Variants in PLSCR5 observed in about 807,000 individuals in gnomAD.
PLSCR5 encodes the protein phospholipid scramblase family, member 5.
In PLSCR5, 44 loss-of-function variants were observed where a neutral mutation model predicts 33.6. The observed-to-expected ratio is 1.31, with a 90% CI of 1.03 to 1.69. PLSCR5 has a LOEUF of 1.69. PLSCR5 is among the 40% of genes most tolerant of loss of function. The pLI is 0.00. For synonymous variants in PLSCR5, 148 were observed against 112.3 expected, an observed-to-expected ratio of 1.32 and a Z score of -2.01; for missense variants, 375 against 318.7, an observed-to-expected ratio of 1.18 and a Z score of -1.34.
intron 6 of PLSCR5, among the ~76,000 whole-genome samples, chr3:146,588,701 G>A (rs757792013): frequency 2.0e-5 from 3 of 152,084 alleles, no homozygotes; most frequent in Non-Finnish European, 2.9e-5. Flanking sequence ...AGTGCAAACC[G>A]AATAAAGTCT....
At chr3:146,578,439 A>T (rs2044612919) in intron 7 of PLSCR5, among the ~76,000 whole-genome samples, 2 of 151,930 alleles carry the variant, frequency 1.3e-5, no homozygotes, top group South Asian at 4.2e-4. Flanking sequence ...GTCTTAAAGG[A>T]ATAAAAGCAT....
chr3:146,578,722 A>G (rs1052339286), intron 7 of PLSCR5, among the ~76,000 whole-genome samples: 28 of 152,158 alleles, frequency 1.8e-4, no homozygotes, highest in African/African-American at 6.3e-4. Context: ...TAGGCTTTAT[A>G]TATTTGTGAA....
chr3:146,591,064 T>C (rs1281331738), intron 5 of PLSCR5, among the ~76,000 whole-genome samples: 3 of 150,858 alleles, frequency 2.0e-5, no homozygotes, highest in Non-Finnish European at 3.0e-5. Flanking sequence ...TTTGAGTTAA[T>C]GCTGTTTTAA....
chr3:146,584,064 T>G (rs1488691138), downstream of PLSCR5, among the ~76,000 whole-genome samples: 1 of 152,156 alleles, frequency 6.6e-6, no homozygotes. Context: ...TCCCAGGCAG[T>G]CATCCTCATA....
At position 146,577,558 on chromosome 3, in the gene PLSCR5, G is replaced by A. The variant is rs540276836; in HGVS notation, c.*45-833C>T. On this transcript the variant is annotated intron_variant, in intron 7 of 7. Transcript: ENST00000482567. ...GTGCTTTTATTTAACTGTTTGGTAC[G>A]CCAATGTTACTCAGTTTCCTTAGAA... 2.0e-5 allele frequency among the ~76,000 whole-genome samples: 3 copies of A among 152,118 alleles called. No individual in the cohort carries two copies. In the East Asian group the frequency reaches 5.8e-4, roughly 29 times the overall value.
intron 2 of PLSCR5, among the ~76,000 whole-genome samples, chr3:146,598,414 T>C (rs1301335473): frequency 1.3e-5 from 2 of 152,190 alleles, no homozygotes; most frequent in African/African-American, 4.8e-5. Flanking sequence ...TAGTATAAAG[T>C]GAGGAAATTA....
At position 146,600,545 on chromosome 3, in the gene PLSCR5, G is replaced by A. The variant is rs1381958444; in HGVS notation, c.14-82C>T. The A allele has an allele frequency of 4.1e-5, 50 of 1,224,774 alleles. No individual in the cohort carries two copies. The East Asian group carries it at 1.2e-3, about 30-fold the overall frequency. 75.9% of individuals were successfully genotyped at this position (1,224,774 alleles called of 1,614,324 possible). On this transcript the variant is annotated intron_variant, in intron 1 of 7. Transcript: ENST00000443512. ...CTTCTTAAAGTATTTGTTACTTCTT[G>A]ATTGATAGGATAGTTTATCTCCTGC...
chr3:146,582,397 G>A (rs993998695), downstream of PLSCR5, among the ~76,000 whole-genome samples: 1 of 152,174 alleles, frequency 6.6e-6, no homozygotes, highest in African/African-American at 2.4e-5. Flanking sequence ...GTAAGGGCCT[G>A]CATGCACACT....
chr3:146,605,207 G>A lies in PLSCR5; in HGVS notation c.6C>T (p.Ala2=). Residue 2 remains alanine, a synonymous_variant, in exon 1 of 8, where the codon GCC becomes GCT. Coordinates refer to ENST00000443512, the MANE Select transcript of PLSCR5 (RefSeq NM_001085420.2). ...GGTTATATTTACTCTTACCTTTAGA[G>A]GCCATGAAGATGTCTGAGTCACTTC... M[A]SKDAQNQRRG... The A allele has an allele frequency of 1.2e-6, 2 of 1,611,024 alleles. No individual in the cohort carries two copies. The highest frequency in any genetic ancestry group is 2.2e-5 in the East Asian group (1 of 44,836).
intron 7 of PLSCR5, among the ~76,000 whole-genome samples, chr3:146,579,011 C>T (rs975509919): frequency 6.6e-6 from 1 of 151,678 alleles, no homozygotes; most frequent in Non-Finnish European, 1.5e-5. Context: ...ATTATAGATC[C>T]TTTAAATTAT....
At chr3:146,596,590 C>T (rs967182147) in intron 2 of PLSCR5, among the ~76,000 whole-genome samples, 1 of 152,180 alleles carries the variant, frequency 6.6e-6, no homozygotes, top group African/African-American at 2.4e-5. Flanking sequence ...TTTTCTAACG[C>T]TTCATTTTTC....
chr3:146,595,863 C>G (rs1338187237), intron 2 of PLSCR5, among the ~76,000 whole-genome samples: 1 of 152,140 alleles, frequency 6.6e-6, no homozygotes, highest in African/African-American at 2.4e-5. Flanking sequence ...CAAACTGCAA[C>G]TCATATCTTT....
chr3:146,588,884 T>C (rs2044686690), intron 6 of PLSCR5, among the ~76,000 whole-genome samples: 1 of 152,238 alleles, frequency 6.6e-6, no homozygotes, highest in Non-Finnish European at 1.5e-5. Context: ...TAATCACTTA[T>C]GTGTGTGCCT....
intron 7 of PLSCR5, among the ~76,000 whole-genome samples, chr3:146,578,832 A>AAT (rs2044615502): frequency 6.6e-6 from 1 of 152,114 alleles, no homozygotes; most frequent in African/African-American, 2.4e-5. Flanking sequence ...TTTTAAAAAC[A>AAT]ATATATTTAT....
Position 146,591,828 on chromosome 3 carries a change from C to T in PLSCR5, c.507G>A (p.Trp169Ter), listed in dbSNP as rs1282443996. 6.2e-7 allele frequency: 1 copy of T among 1,612,232 alleles called. No individual in the cohort carries two copies. Among genetic ancestry groups the T allele is most frequent in the Non-Finnish European group, 8.5e-7 (1 of 1,178,910 alleles). The change falls in exon 5 of 8, where the codon TGG becomes TGA. Residue 169 changes from tryptophan to a stop codon, truncating the protein, a stop_gained. Coordinates refer to ENST00000443512, the MANE Select transcript of PLSCR5 (RefSeq NM_001085420.2). LOFTEE classifies it high-confidence loss of function. ...TTGTGAATTTAGGCAGAAAGGGGTC[C>T]CACTTCTGCGTAACGTAACCAACTA... ...GTIVGYVTQKWDPFLPKFTIQ... is the reference protein window; with the variant it reads ...GTIVGYVTQK
chr3:146,587,259 G>C (rs189853896), intron 6 of PLSCR5, among the ~76,000 whole-genome samples: 1 of 151,976 alleles, frequency 6.6e-6, no homozygotes, highest in African/African-American at 2.4e-5. Context: ...CAACCTTTAC[G>C]GAACCTACAT....
intron 5 of PLSCR5, among the ~76,000 whole-genome samples, chr3:146,591,151 A>G (rs62275360): frequency 6.7e-6 from 1 of 149,922 alleles, no homozygotes; most frequent in Non-Finnish European, 1.5e-5. Context: ...TACATAATTT[A>G]GGTGATTCTA....
intron 3 of PLSCR5, 101 bp downstream of exon 3, chr3:146,594,940 T>C (rs1173264838): frequency 3.1e-6 from 2 of 642,958 alleles, no homozygotes; most frequent in Non-Finnish European, 4.7e-6. Flanking sequence ...TCTACACATT[T>C]AACTTTCTCA....
At chr3:146,602,167 C>G (rs778279791) in intron 1 of PLSCR5, among the ~76,000 whole-genome samples, 7 of 152,046 alleles carry the variant, frequency 4.6e-5, no homozygotes, top group Non-Finnish European at 8.8e-5. Flanking sequence ...GGGGCAGATA[C>G]AAAGGATATA....
Sources: allele counts gnomAD v4.1 joint callset (sites outside exome capture counted in the v4.1 genomes callset), GRCh38; gene constraint gnomAD v4.1.1; transcripts MANE v1.5; gene names NCBI Gene and HGNC (gene_info 2026-07-23, HGNC 2026-07-21).